Variants in STPG2 observed in about 807,000 individuals in gnomAD.
The protein encoded by STPG2 is sperm tail PG-rich repeat containing 2.
A neutral mutation model predicts 54.2 loss-of-function variants in STPG2; 56 were observed. The observed-to-expected ratio is 1.03, with a 90% confidence interval of 0.83 to 1.29. The LOEUF (loss-of-function observed/expected upper bound fraction) is 1.29. Ranked by LOEUF, STPG2 falls within the 50% of genes most tolerant of loss-of-function variation. The pLI is 0.00. For synonymous variants in STPG2, 200 were observed against 181.8 expected (o/e 1.10, Z -0.81); for missense variants, 596 against 544.9 (o/e 1.09, Z -0.93).
chr4:98,064,543 A>T (rs1737764031), intron 5 of STPG2, among the ~76,000 whole-genome samples: 1 of 152,192 alleles, frequency 6.6e-6, no homozygotes, highest in Non-Finnish European at 1.5e-5. Context: ...ATATTCAAAC[A>T]ATTTCCTTTT....
At chr4:97,803,761 G>A (rs977566962) in intron 9 of STPG2, among the ~76,000 whole-genome samples, 91 of 152,146 alleles carry the variant, frequency 6.0e-4, no homozygotes, top group Middle Eastern at 6.8e-3. Flanking sequence ...GGCTGGTCTC[G>A]AACTCCTGAC....
At chr4:97,887,183 T>C (rs528833437) in intron 8 of STPG2, among the ~76,000 whole-genome samples, 2 of 152,282 alleles carry the variant, frequency 1.3e-5, no homozygotes, top group South Asian at 2.1e-4. Flanking sequence ...AATATAAAGA[T>C]ACCTGAAAAT....
intron 8 of STPG2, among the ~76,000 whole-genome samples, chr4:97,938,752 C>T (rs529687491): frequency 2.0e-5 from 3 of 152,236 alleles, no homozygotes; most frequent in African/African-American, 7.2e-5. Flanking sequence ...ACACACCACC[C>T]TGCTTTTCAT....
intron 9 of STPG2, among the ~76,000 whole-genome samples, chr4:97,796,358 AT>A (rs1461803922): frequency 1.3e-5 from 2 of 152,156 alleles, no homozygotes; most frequent in African/African-American, 4.8e-5. Context: ...TCTTTAATCC[AT>A]CTTGAATTAA....
intron 9 of STPG2, among the ~76,000 whole-genome samples, chr4:97,832,588 A>G (rs2149113607): frequency 6.6e-6 from 1 of 152,334 alleles, no homozygotes; most frequent in South Asian, 2.1e-4. Flanking sequence ...CTCTGTTTGC[A>G]GATGGCATGA....
At chr4:97,591,987 G>T (rs1475333797) in intron 10 of STPG2, among the ~76,000 whole-genome samples, 1 of 152,042 alleles carries the variant, frequency 6.6e-6, no homozygotes, top group Non-Finnish European at 1.5e-5. Flanking sequence ...GTGATTAAAT[G>T]ATATGCCTAA....
intron 8 of STPG2, among the ~76,000 whole-genome samples, chr4:97,938,279 C>T (rs1643882499): frequency 6.6e-6 from 1 of 152,242 alleles, no homozygotes; most frequent in Non-Finnish European, 1.5e-5. Flanking sequence ...ATAGCGATGG[C>T]TGCTGCCCAG....
intron 5 of STPG2, among the ~76,000 whole-genome samples, chr4:98,068,410 T>C (rs780685641): frequency 4.6e-5 from 7 of 152,176 alleles, no homozygotes; most frequent in Non-Finnish European, 1.0e-4. Flanking sequence ...TTGTTCACCA[T>C]TGTATCTCCA....
At chr4:97,499,858 C>A (rs761970751) in intron 4 of STPG2, among the ~76,000 whole-genome samples, 1 of 151,874 alleles carries the variant, frequency 6.6e-6, no homozygotes, top group Non-Finnish European at 1.5e-5. Context: ...ATGGGATGAG[C>A]TAGGTAGAGG....
rs189144234 is a variant in STPG2, at chr4:97,797,819, G to C, written c.1204+42954C>G. ...TCGGCTGCGAATCCGTCTGGTCCTG[G>C]ACTTTTTTTGGTTGGTAGGCTATTA... On this transcript the variant is annotated intron_variant, in intron 9 of 10. Transcript: ENST00000295268. Among the ~76,000 whole-genome samples, 426 of 152,226 alleles carry C rather than the reference G, an allele frequency of 2.8e-3. 3 individuals carry two copies. Among genetic ancestry groups the C allele is most frequent in the African/African-American group, 9.4e-3 (390 of 41,540 alleles).
intron 9 of STPG2, among the ~76,000 whole-genome samples, chr4:97,752,449 A>G (rs1725606406): frequency 6.6e-6 from 1 of 151,744 alleles, no homozygotes; most frequent in African/African-American, 2.4e-5. Context: ...TTCTTATTTA[A>G]TATTTTATTA....
At chr4:98,002,551 TA>T (rs1397402994) in intron 5 of STPG2, among the ~76,000 whole-genome samples, 1 of 151,998 alleles carries the variant, frequency 6.6e-6, no homozygotes, top group Non-Finnish European at 1.5e-5. Flanking sequence ...TTCATCTTAT[TA>T]AAATGAAGAT....
At chr4:98,117,612 A>C (rs1488521212) in intron 3 of STPG2, among the ~76,000 whole-genome samples, 1 of 151,700 alleles carries the variant, frequency 6.6e-6, no homozygotes, top group Non-Finnish European at 1.5e-5. Context: ...ACTCTTCTTC[A>C]TCCTATTTTC....
At chr4:98,022,713 G>A (rs187471198) in intron 5 of STPG2, among the ~76,000 whole-genome samples, 45 of 152,192 alleles carry the variant, frequency 3.0e-4, no homozygotes, top group East Asian at 5.8e-4. Context: ...GACTTTGTCC[G>A]TTTCTTTTTA....
intron 10 of STPG2, among the ~76,000 whole-genome samples, chr4:97,571,505 C>G (rs920692456): frequency 3.9e-5 from 6 of 152,150 alleles, no homozygotes; most frequent in African/African-American, 1.2e-4. Context: ...CTAAAAGTTT[C>G]ATCTACCTGG....
intron 8 of STPG2, among the ~76,000 whole-genome samples, chr4:97,860,553 T>G (rs1729491072): frequency 6.6e-6 from 1 of 151,760 alleles, no homozygotes; most frequent in Non-Finnish European, 1.5e-5. Context: ...TAAAAGGGAT[T>G]GAGTTCTTGA....
At chr4:97,942,686 T>G (rs534560617) in intron 8 of STPG2, among the ~76,000 whole-genome samples, 1 of 152,130 alleles carries the variant, frequency 6.6e-6, no homozygotes, top group Non-Finnish European at 1.5e-5. Flanking sequence ...CATTTGTCAT[T>G]CCCTTAAATT....
chr4:97,645,246 G>A (rs13138073), intron 10 of STPG2, among the ~76,000 whole-genome samples: 67,233 of 150,400 alleles, frequency 0.45, 16,567 homozygotes, highest in South Asian at 0.62. Flanking sequence ...CCACTCACAA[G>A]GCAAAAAGCC....
chr4:98,035,535 T>C (rs1337861240), intron 5 of STPG2, among the ~76,000 whole-genome samples: 3 of 152,234 alleles, frequency 2.0e-5, no homozygotes, highest in Admixed American at 2.0e-4. Flanking sequence ...GAAGACAGTA[T>C]GGTGATTCCT....
Sources: allele counts gnomAD v4.1 joint callset (sites outside exome capture counted in the v4.1 genomes callset), GRCh38; gene constraint gnomAD v4.1.1; transcripts MANE v1.5; gene names NCBI Gene and HGNC (gene_info 2026-07-23, HGNC 2026-07-21).